The following MTA3 variants were observed in gnomAD, a reference collection of about 807,000 sequenced individuals.
MTA3 encodes metastasis-associated protein MTA3.
MTA3 carries 34 observed loss-of-function variants against 83.5 expected under a neutral mutation model. That is an observed-to-expected ratio of 0.41 (90% CI 0.31 to 0.54). The LOEUF (loss-of-function observed/expected upper bound fraction) is 0.54, where lower values mean the gene tolerates loss of function less well. Ranked by LOEUF, MTA3 falls within the 20% of genes least tolerant of loss-of-function variation. MTA3 has a pLI of 0.33. For synonymous variants in MTA3, 303 were observed against 252.7 expected (o/e 1.20, Z -1.89); for missense variants, 761 against 726.4 (o/e 1.05, Z -0.55).
Position 42,753,759 on chromosome 2 carries a change from G to A in MTA3, c.*360G>A. 1 of 1,142,806 alleles carries A rather than the reference G, an allele frequency of 8.8e-7. No homozygotes were observed. Among genetic ancestry groups the A allele is most frequent in the Non-Finnish European group, 1.1e-6 (1 of 923,682 alleles). 70.8% of individuals were successfully genotyped at this position (1,142,806 alleles called of 1,614,324 possible). A position where few individuals can be genotyped will look rare whatever the true frequency, so the allele number is the denominator to read the frequency against. On this transcript the variant is annotated 3_prime_UTR_variant, in exon 17 of 17. Coordinates refer to ENST00000405094, the MANE Select transcript of MTA3 (RefSeq NM_001330442.2). ...GCAGTGGGGCTGCTGCAAGCTCAGAGCCGCTGCCACCCTGCATGTGTCCGC... is the reference window on the plus strand; with the variant it reads ...GCAGTGGGGCTGCTGCAAGCTCAGAACCGCTGCCACCCTGCATGTGTCCGC...
intron 8 of MTA3, among the ~76,000 whole-genome samples, chr2:42,663,904 T>G (rs933749600): frequency 6.6e-6 from 1 of 152,210 alleles, no homozygotes; most frequent in Non-Finnish European, 1.5e-5. Flanking sequence ...TACTTTTGTA[T>G]CACATATATT....
At chr2:42,699,991 C>T (rs961830974) in intron 11 of MTA3, among the ~76,000 whole-genome samples, 3 of 151,794 alleles carry the variant, frequency 2.0e-5, no homozygotes, top group African/African-American at 4.8e-5. Flanking sequence ...GATAGCTAGG[C>T]GAGTATGGTA....
chr2:42,600,056 G>A (rs1219181786), intron 3 of MTA3, among the ~76,000 whole-genome samples: 1 of 152,070 alleles, frequency 6.6e-6, no homozygotes, highest in Admixed American at 6.6e-5. Flanking sequence ...AAATTAGCTG[G>A]GTGTGGCGGC....
At chr2:42,697,215 A>G (rs1416570604) in intron 10 of MTA3, among the ~76,000 whole-genome samples, 2 of 152,140 alleles carry the variant, frequency 1.3e-5, no homozygotes, top group Admixed American at 6.5e-5. Flanking sequence ...TATGGCTCCT[A>G]ATTGGTTCCA....
At chr2:42,696,676 C>T (rs1693416238) in intron 10 of MTA3, among the ~76,000 whole-genome samples, 1 of 152,078 alleles carries the variant, frequency 6.6e-6, no homozygotes, top group South Asian at 2.1e-4. Context: ...GAGGCCGAGG[C>T]AGGAGGATTG....
At chr2:42,700,748 C>T (rs1245021024) in intron 11 of MTA3, among the ~76,000 whole-genome samples, 1 of 152,146 alleles carries the variant, frequency 6.6e-6, no homozygotes, top group Non-Finnish European at 1.5e-5. Context: ...CGCCACTTTT[C>T]ACTTAGTATA....
rs577888882 is a variant in MTA3 at position 42,581,392 on chromosome 2, C to T, written c.190+2192C>T. Among the ~76,000 whole-genome samples the T allele has an allele frequency of 2.1e-3, 241 of 113,466 alleles. 3 individuals carry two copies. Among genetic ancestry groups the T allele is most frequent in the African/African-American group, 7.9e-3 (225 of 28,574 alleles). 74.4% of individuals were successfully genotyped at this position (113,466 alleles called of 152,430 possible). A position where few individuals can be genotyped will look rare whatever the true frequency, so the allele number is the denominator to read the frequency against. ...TTTTTTTTTTTTTTTTTTTCGGAGA[C>T]AGGGTCTTGCTCTCTTGCCCAGGCT... On this transcript the variant is annotated intron_variant, in intron 3 of 16. Coordinates refer to ENST00000405094, the MANE Select transcript of MTA3 (RefSeq NM_001330442.2).
chr2:42,704,425 C>CA, intron 12 of MTA3, 107 bp downstream of exon 12: 3 of 1,331,426 alleles, frequency 2.3e-6, no homozygotes, highest in Non-Finnish European at 3.1e-6. Context: ...TTGGAAGGCA[C>CA]AAGCATGTCT....
At chr2:42,579,998 C>T (rs1679442311) in intron 3 of MTA3, among the ~76,000 whole-genome samples, 1 of 152,170 alleles carries the variant, frequency 6.6e-6, no homozygotes, top group Non-Finnish European at 1.5e-5. Flanking sequence ...CTGGAGAGTG[C>T]AGTGGCACAA....
chr2:42,746,606 G>C (rs1669452839), intron 16 of MTA3, among the ~76,000 whole-genome samples: 1 of 152,172 alleles, frequency 6.6e-6, no homozygotes, highest in Non-Finnish European at 1.5e-5. Flanking sequence ...TTTTTCCTGT[G>C]ATTCTGACCT....
chr2:42,718,932 G>C (rs1281209066), intron 14 of MTA3, 56 bp from the exon 15 acceptor site: 8 of 1,302,176 alleles, frequency 6.1e-6, no homozygotes. Context: ...GGTGCATGTA[G>C]TCTGGCTAGA....
chr2:42,574,071 T>C (rs1358090104), intron 2 of MTA3, among the ~76,000 whole-genome samples: 2 of 148,438 alleles, frequency 1.3e-5, no homozygotes, highest in Non-Finnish European at 3.0e-5. Flanking sequence ...CTCCTGACCT[T>C]GTGATCCGCC....
intron 8 of MTA3, among the ~76,000 whole-genome samples, chr2:42,662,402 G>A (rs1689803935): frequency 6.6e-6 from 1 of 151,560 alleles, no homozygotes; most frequent in Admixed American, 6.6e-5. Flanking sequence ...ATTTAGGACT[G>A]TAAATCTATA....
chr2:42,572,319 C>T (rs1202539966), intron 2 of MTA3, among the ~76,000 whole-genome samples: 2 of 151,710 alleles, frequency 1.3e-5, no homozygotes, highest in Non-Finnish European at 2.9e-5. Flanking sequence ...TGTGGTAGCT[C>T]ACACCTGTAA....
At chr2:42,581,740 A>G (rs1346971719) in intron 3 of MTA3, 2 of 288,044 alleles carry the variant, frequency 6.9e-6, no homozygotes, top group Non-Finnish European at 1.3e-5. Context: ...ATATGAACAT[A>G]AATCAGATTT....
intron 16 of MTA3, among the ~76,000 whole-genome samples, chr2:42,734,897 A>G (rs781110142): frequency 2.6e-5 from 4 of 152,136 alleles, no homozygotes; most frequent in Admixed American, 6.5e-5. Context: ...TTTGTTGTTT[A>G]TATTTATATC....
chr2:42,696,311 T>C (rs1693384847), intron 10 of MTA3, among the ~76,000 whole-genome samples: 1 of 152,212 alleles, frequency 6.6e-6, no homozygotes, highest in Admixed American at 6.5e-5. Context: ...GTAGTCTTAC[T>C]AGTATGGTGT....
intron 8 of MTA3, among the ~76,000 whole-genome samples, chr2:42,678,369 ACT>A (rs1467751522): frequency 6.6e-6 from 1 of 151,858 alleles, no homozygotes; most frequent in East Asian, 1.9e-4. Flanking sequence ...ACAGATCCTC[ACT>A]CTGCCGCCCA....
chr2:42,539,771 C>T (rs1478984579), intron 2 of MTA3, among the ~76,000 whole-genome samples: 2 of 151,838 alleles, frequency 1.3e-5, no homozygotes, highest in East Asian at 3.9e-4. Flanking sequence ...CGAGGTCTCA[C>T]TATGTTGCCC....
Sources: gnomAD v4.1 joint callset for allele counts (sites outside exome capture counted in the v4.1 genomes callset) on GRCh38, gnomAD v4.1.1 for gene constraint, MANE v1.5 for transcripts, NCBI Gene and HGNC (gene_info 2026-07-23, HGNC 2026-07-21) for gene names.